The following FGF12 variants were observed in gnomAD, a reference collection of about 807,000 sequenced individuals.
FGF12 encodes fibroblast growth factor 12.
Under a neutral mutation model 23.6 loss-of-function variants are expected in FGF12, and 14 were observed. That is an observed-to-expected ratio of 0.59 (90% CI 0.39 to 0.93). FGF12 has a LOEUF of 0.93. FGF12 is among the 40% of genes least tolerant of loss of function. The pLI is 0.00. For synonymous variants in FGF12, 62 were observed against 77.3 expected, an observed-to-expected ratio of 0.80 and a Z score of 1.04; for missense variants, 175 against 217.8, an observed-to-expected ratio of 0.80 and a Z score of 1.24.
At chr3:192,193,602 G>GT (rs1716913569) in intron 4 of FGF12, among the ~76,000 whole-genome samples, 1 of 152,014 alleles carries the variant, frequency 6.6e-6, no homozygotes, top group South Asian at 2.1e-4. Context: ...AGTTACTTTG[G>GT]TTAAAAATCA....
Position 192,218,466 on chromosome 3 carries a change from A to C in FGF12, c.229-47810T>G, listed in dbSNP as rs890124272. On this transcript the variant is annotated intron_variant, in intron 4 of 5. Coordinates refer to ENST00000445105, the MANE Select transcript of FGF12 (RefSeq NM_004113.6). ...ATCCCTTTGGTGCTGTTCTCATGATAGTGAGTGAGTTCTCATGTGATCTGG... is the reference window on the plus strand; with the variant it reads ...ATCCCTTTGGTGCTGTTCTCATGATCGTGAGTGAGTTCTCATGTGATCTGG... Among the ~76,000 whole-genome samples, 82 of 152,128 alleles carry C rather than the reference A, an allele frequency of 5.4e-4. 1 individual carries two copies. Among genetic ancestry groups the C allele is most frequent in the Admixed American group, 5.4e-3 (82 of 15,270 alleles).
In FGF12 at chr3:192,524,411, G is replaced by A. The variant is rs181276400; in HGVS notation, c.14-163873C>T. On this transcript the variant is annotated intron_variant, in intron 2 of 5. Transcript: ENST00000445105. ...CTATTAGTGTTAACTTTCAGAAAAGGGCATAGGAAAGAGTCTAAGCTTATG... is the reference window on the plus strand; with the variant it reads ...CTATTAGTGTTAACTTTCAGAAAAGAGCATAGGAAAGAGTCTAAGCTTATG... 2.6e-5 allele frequency among the ~76,000 whole-genome samples: 4 copies of A among 152,248 alleles called. 1 individual carries two copies. Among genetic ancestry groups the A allele is most frequent in the Admixed American group, 2.6e-4 (4 of 15,294 alleles).
At chr3:192,528,868 G>C (rs183421284) in intron 2 of FGF12, among the ~76,000 whole-genome samples, 2 of 152,212 alleles carry the variant, frequency 1.3e-5, no homozygotes, top group Non-Finnish European at 2.9e-5. Flanking sequence ...CTGGGACACA[G>C]GGCACCAAGT....
chr3:192,671,329 C>T (rs1910884), intron 2 of FGF12, among the ~76,000 whole-genome samples: 78,036 of 151,962 alleles, frequency 0.51, 20,430 homozygotes, highest in East Asian at 0.66. Flanking sequence ...ATCAGGTGAA[C>T]AGTTGGGAAA....
At position 192,336,642 on chromosome 3, in the gene FGF12, C is replaced by T. The variant is rs1039934485; in HGVS notation, c.125-1178G>A. Among the ~76,000 whole-genome samples the T allele has an allele frequency of 6.6e-6, 1 of 152,106 alleles. No individual in the cohort carries two copies. The highest frequency in any genetic ancestry group is 2.4e-5 in the African/African-American group (1 of 41,426). ...TCCTGGCTTAATTAGAAGTTCTTAT[C>T]CACTTTTTCTGTTGATAAAATTCCT... is the stretch of plus-strand genomic sequence containing the variant. On this transcript the variant is annotated intron_variant, in intron 3 of 5. Coordinates refer to ENST00000445105, the MANE Select transcript of FGF12 (RefSeq NM_004113.6). This position sits in a 1 kb window ranked among gnomAD's most constrained non-coding sequence, Gnocchi z 4.3.
rs575020321 is a variant in FGF12, at chr3:192,351,332, A to C, written c.124+9096T>G. On this transcript the variant is annotated intron_variant, in intron 3 of 5. Coordinates refer to ENST00000445105, the MANE Select transcript of FGF12 (RefSeq NM_004113.6). Reference sequence around the variant, plus strand: ...AAGGAACAGAAAGTTTGTGGGACTTAAATAAGTTCACTCAGCTATTTAGAG... The same window carrying C: ...AAGGAACAGAAAGTTTGTGGGACTTCAATAAGTTCACTCAGCTATTTAGAG... Among the ~76,000 whole-genome samples the C allele has an allele frequency of 9.7e-4, 147 of 152,326 alleles. 2 individuals carry two copies. Among genetic ancestry groups the C allele is most frequent in the South Asian group, 7.5e-3 (36 of 4,830 alleles).
chr3:192,266,078 T>A (rs896374716), intron 4 of FGF12, among the ~76,000 whole-genome samples: 1 of 152,122 alleles, frequency 6.6e-6, no homozygotes. Context: ...TTTCTCCTCC[T>A]CTATCTGCTA....
Position 192,169,659 on chromosome 3 carries a change from G to A in FGF12, c.427+799C>T, listed in dbSNP as rs569906304. Among the ~76,000 whole-genome samples the A allele has an allele frequency of 8.5e-5, 13 of 152,058 alleles. 1 individual carries two copies. Among genetic ancestry groups the A allele is most frequent in the Admixed American group, 7.2e-4 (11 of 15,266 alleles). On this transcript the variant is annotated intron_variant, in intron 5 of 5. Transcript: ENST00000445105. ...TCTCATTTCCTCAGACGAGGATGCT[G>A]AGCCAATGTTTAAAGTGATTATAAT...
intron 2 of FGF12, among the ~76,000 whole-genome samples, chr3:192,361,921 G>A (rs1463034640): frequency 6.6e-6 from 1 of 152,160 alleles, no homozygotes; most frequent in Non-Finnish European, 1.5e-5. Context: ...AATGAGCAAA[G>A]AACTGAACTG....
At chr3:192,271,652 A>T (rs776013688) in intron 4 of FGF12, among the ~76,000 whole-genome samples, 14 of 152,176 alleles carry the variant, frequency 9.2e-5, no homozygotes, top group Non-Finnish European at 1.5e-4. Flanking sequence ...TTTCCTTTAG[A>T]TATCAATTCA....
At chr3:192,232,016 C>T (rs78241325) in intron 4 of FGF12, among the ~76,000 whole-genome samples, 4 of 152,180 alleles carry the variant, frequency 2.6e-5, no homozygotes, top group Non-Finnish European at 4.4e-5. Context: ...TAATTCTTAA[C>T]GAATATTCAT....
In FGF12 at chr3:192,142,130, G is replaced by A. The variant is rs557122998; in HGVS notation, c.*1879C>T. ...GGTTAAACAAATATCTCTTGCAAAT[G>A]TATCTTCAAAATCTTTGCCTACATG... is the stretch of plus-strand genomic sequence containing the variant. On this transcript the variant is annotated 3_prime_UTR_variant, in exon 6 of 6. Transcript: ENST00000445105. 1.3e-5 allele frequency: 2 copies of A among 152,596 alleles called. No homozygotes were observed. The highest frequency in any genetic ancestry group is 4.8e-5 in the African/African-American group (2 of 41,562). The allele number at this position is 152,596 out of a possible 1,614,324, so 9.5% of individuals were successfully genotyped here. A position where few individuals can be genotyped will look rare whatever the true frequency, so the allele number is the denominator to read the frequency against.
intron 2 of FGF12, among the ~76,000 whole-genome samples, chr3:192,449,454 A>G: frequency 6.6e-6 from 1 of 152,146 alleles, no homozygotes; most frequent in East Asian, 1.9e-4. Flanking sequence ...GACACCATGC[A>G]TCCCAGGTTC....
chr3:192,333,438 T>C (rs1193932886), intron 4 of FGF12, among the ~76,000 whole-genome samples: 1 of 152,140 alleles, frequency 6.6e-6, no homozygotes, highest in Non-Finnish European at 1.5e-5. Context: ...TTTTAATTCT[T>C]ACATTTAAAA....
chr3:192,410,854 A>T (rs1721177616), intron 2 of FGF12, among the ~76,000 whole-genome samples: 1 of 152,186 alleles, frequency 6.6e-6, no homozygotes, highest in African/African-American at 2.4e-5. Context: ...GATGTTGGAG[A>T]CACTGGGCAG....
At chr3:192,370,287 T>C (rs1719169332) in intron 2 of FGF12, among the ~76,000 whole-genome samples, 1 of 152,242 alleles carries the variant, frequency 6.6e-6, no homozygotes, top group African/African-American at 2.4e-5. Context: ...TATGTACATG[T>C]ATAATTTATG....
chr3:192,653,349 C>T (rs922619007), intron 2 of FGF12, among the ~76,000 whole-genome samples: 2 of 152,168 alleles, frequency 1.3e-5, no homozygotes. Context: ...TCTCACTTTT[C>T]CCAAATCATC....
intron 2 of FGF12, among the ~76,000 whole-genome samples, chr3:192,384,232 T>C (rs1159895317): frequency 6.6e-6 from 1 of 152,012 alleles, no homozygotes; most frequent in Admixed American, 6.6e-5. Context: ...AAGTGAGAGG[T>C]AAAGAAAAGC....
At position 192,408,082 on chromosome 3, in the gene FGF12, C is replaced by A. The variant is rs1311598739; in HGVS notation, c.14-47544G>T. The stretch of plus-strand genomic sequence containing the variant: ...CTGCAGAAGCGCACTTTGCTGAACA[C>A]CCCGAGGACGTGCCTCTCGCACAGG... On this transcript the variant is annotated intron_variant, in intron 2 of 5. Transcript: ENST00000445105. The surrounding 1 kb of genome is among the most constrained non-coding windows in gnomAD (Gnocchi z 7.3). 1 of 1,613,080 alleles carries A rather than the reference C, an allele frequency of 6.2e-7. No homozygotes were observed.
Sources: allele counts gnomAD v4.1 joint callset (sites outside exome capture counted in the v4.1 genomes callset), GRCh38; gene constraint gnomAD v4.1.1; non-coding constraint Gnocchi (gnomAD v3.1); transcripts MANE v1.5; gene names NCBI Gene and HGNC (gene_info 2026-07-23, HGNC 2026-07-21).